The following SSBP2 variants were observed in gnomAD, a reference collection of about 807,000 sequenced individuals.
SSBP2 encodes the protein single-stranded DNA-binding protein 2.
A neutral mutation model predicts 61.8 loss-of-function variants in SSBP2; 17 were observed. The ratio of observed to expected loss-of-function variants is 0.28; its 90% CI spans 0.19 to 0.41. SSBP2 has a LOEUF of 0.41. Among genes scored for constraint, SSBP2 ranks in the 10% least tolerant of loss-of-function variants. The pLI, the probability that SSBP2 is intolerant of heterozygous loss-of-function variation, is 1.00. For missense variants in SSBP2, 310 were observed against 458.7 expected (o/e 0.68, Z 2.96); for synonymous variants, 139 against 141.3 (o/e 0.98, Z 0.12).
At chr5:81,583,576 C>G (rs1189046922) in intron 4 of SSBP2, among the ~76,000 whole-genome samples, 1 of 150,648 alleles carries the variant, frequency 6.6e-6, no homozygotes, top group Admixed American at 6.6e-5. Flanking sequence ...CTTGCAGTGA[C>G]CCGAGATTGC....
intron 1 of SSBP2, among the ~76,000 whole-genome samples, chr5:81,741,724 G>A (rs917209480): frequency 2.0e-5 from 3 of 152,058 alleles, no homozygotes; most frequent in Admixed American, 6.5e-5. Flanking sequence ...CCTAAGTCCC[G>A]TACCTATCCA....
intron 4 of SSBP2, among the ~76,000 whole-genome samples, chr5:81,540,823 T>TA (rs1256549874): frequency 6.6e-6 from 1 of 151,972 alleles, no homozygotes; most frequent in Non-Finnish European, 1.5e-5. Context: ...TTTGCACCTG[T>TA]AAATCACTCA....
intron 5 of SSBP2, among the ~76,000 whole-genome samples, chr5:81,495,872 T>C (rs764914863): frequency 3.9e-5 from 6 of 152,044 alleles, no homozygotes; most frequent in Non-Finnish European, 8.8e-5. Context: ...TAAAGAAAAT[T>C]AAAAATCATT....
At chr5:81,723,157 T>C (rs1755650390) in intron 1 of SSBP2, among the ~76,000 whole-genome samples, 1 of 152,074 alleles carries the variant, frequency 6.6e-6, no homozygotes, top group African/African-American at 2.4e-5. Context: ...CTACGTTGAA[T>C]AACAGAAGTT....
At chr5:81,611,449 T>TA (rs1297308755) in intron 4 of SSBP2, among the ~76,000 whole-genome samples, 3 of 152,166 alleles carry the variant, frequency 2.0e-5, no homozygotes, top group South Asian at 2.1e-4. Context: ...CACTTTTACT[T>TA]AAAAAAATCT....
chr5:81,548,854 A>G (rs6893886), intron 4 of SSBP2, among the ~76,000 whole-genome samples: 7,998 of 152,218 alleles, frequency 0.053, 390 homozygotes, highest in African/African-American at 0.12. Context: ...CCCAGGAGGC[A>G]GAGCTTGCAG....
intron 8 of SSBP2, among the ~76,000 whole-genome samples, chr5:81,470,604 A>G (rs565248344): frequency 7.2e-5 from 11 of 152,088 alleles, no homozygotes; most frequent in African/African-American, 2.6e-4. Context: ...TTGTTCTAAT[A>G]GATAACTACT....
chr5:81,463,682 G>A (rs1213135729), intron 9 of SSBP2, among the ~76,000 whole-genome samples: 1 of 151,352 alleles, frequency 6.6e-6, no homozygotes, highest in Admixed American at 6.6e-5. Context: ...CCTGGGTGCA[G>A]AAGTCTGCAT....
At chr5:81,497,816 G>A (rs1384409955) in intron 5 of SSBP2, among the ~76,000 whole-genome samples, 2 of 152,122 alleles carry the variant, frequency 1.3e-5, no homozygotes, top group Non-Finnish European at 2.9e-5. Flanking sequence ...TGAAAATAAT[G>A]AGTCTTAGGT....
intron 3 of SSBP2, 78 bp downstream of exon 3, chr5:81,636,479 T>G: frequency 1.8e-6 from 2 of 1,114,590 alleles, no homozygotes; most frequent in East Asian, 2.6e-5. Context: ...AAAGGAAGCA[T>G]GAAATCATAA....
At chr5:81,626,137 A>G (rs954144174) in intron 3 of SSBP2, among the ~76,000 whole-genome samples, 1 of 152,220 alleles carries the variant, frequency 6.6e-6, no homozygotes, top group African/African-American at 2.4e-5. Context: ...GAACTTCCCC[A>G]TATGTATAAC....
intron 1 of SSBP2, among the ~76,000 whole-genome samples, chr5:81,703,661 GTATT>G (rs1754158163): frequency 6.6e-6 from 1 of 151,908 alleles, no homozygotes; most frequent in South Asian, 2.1e-4. Context: ...TTAAATCTTT[GTATT>G]TATTTTCCTA....
At chr5:81,564,980 C>G (rs577850901) in intron 4 of SSBP2, among the ~76,000 whole-genome samples, 1 of 152,164 alleles carries the variant, frequency 6.6e-6, no homozygotes, top group Non-Finnish European at 1.5e-5. Context: ...CATGGCCTTG[C>G]AAAGAACCAA....
chr5:81,477,145 C>A (rs1328277258), intron 6 of SSBP2, among the ~76,000 whole-genome samples: 1 of 152,134 alleles, frequency 6.6e-6, no homozygotes. Context: ...CCCCAAGGGG[C>A]CTTAATTCCT....
In SSBP2 at chr5:81,417,845, GA is replaced by G. The variant is rs1184097057; in HGVS notation, c.*2658del. The G allele has an allele frequency of 2.0e-5, 3 of 150,244 alleles. No individual in the cohort carries two copies. Among genetic ancestry groups the G allele is most frequent in the Non-Finnish European group, 4.4e-5 (3 of 67,610 alleles). 9.3% of individuals were successfully genotyped at this position (150,244 alleles called of 1,614,324 possible). On this transcript the variant is annotated 3_prime_UTR_variant, in exon 17 of 17. Coordinates refer to ENST00000320672, the MANE Select transcript of SSBP2 (RefSeq NM_012446.5). Reference sequence around the variant, plus strand: ...TAACTCTTTTTAATCTGGGCTCCAAGAAGAAAAAAGAAATAAATACTTATAA... The same window carrying G: ...TAACTCTTTTTAATCTGGGCTCCAAGAGAAAAAAGAAATAAATACTTATAA...
intron 3 of SSBP2, among the ~76,000 whole-genome samples, chr5:81,620,408 G>A (rs1467919697): frequency 2.6e-5 from 4 of 151,438 alleles, no homozygotes. Context: ...GGATGTGAAG[G>A]ACCTCTTCAA....
At chr5:81,575,997 T>A (rs905986159) in intron 4 of SSBP2, among the ~76,000 whole-genome samples, 1 of 152,146 alleles carries the variant, frequency 6.6e-6, no homozygotes, top group African/African-American at 2.4e-5. Flanking sequence ...ACTATCAGAT[T>A]TTAGATGACA....
chr5:81,438,534 TTAATA>T, intron 14 of SSBP2, among the ~76,000 whole-genome samples: 1 of 152,238 alleles, frequency 6.6e-6, no homozygotes, highest in Middle Eastern at 3.4e-3. Flanking sequence ...CTAGGGCTTA[TTAATA>T]TAAGTTGTAA....
chr5:81,627,167 C>T (rs1175740833), intron 3 of SSBP2, among the ~76,000 whole-genome samples: 1 of 152,170 alleles, frequency 6.6e-6, no homozygotes, highest in Non-Finnish European at 1.5e-5. Context: ...GAGTCCTTTA[C>T]ATTTAATGAA....
Sources: gnomAD v4.1 joint callset for allele counts (sites outside exome capture counted in the v4.1 genomes callset) on GRCh38, gnomAD v4.1.1 for gene constraint, MANE v1.5 for transcripts, NCBI Gene and HGNC (gene_info 2026-07-23, HGNC 2026-07-21) for gene names.